The following DNAJC13 variants were observed in gnomAD, a reference collection of about 807,000 sequenced individuals.
The protein encoded by DNAJC13 is dnaJ homolog subfamily C member 13.
In DNAJC13, 75 loss-of-function variants were observed where a neutral mutation model predicts 290.5. The ratio of observed to expected loss-of-function variants is 0.26; its 90% CI spans 0.21 to 0.31. DNAJC13 has a LOEUF of 0.31. Ranked by LOEUF, DNAJC13 falls within the 10% of genes least tolerant of loss-of-function variation. The pLI is 1.00. For missense variants in DNAJC13, 2,260 were observed against 2,674.5 expected (o/e 0.85, Z 3.42); for synonymous variants, 862 against 892.0 (o/e 0.97, Z 0.60).
At chr3:132,531,185 T>A in intron 55 of DNAJC13, 88 bp downstream of exon 55, 2 of 1,121,288 alleles carry the variant, frequency 1.8e-6, no homozygotes, top group South Asian at 2.6e-5. Flanking sequence ...AAAATTGTGT[T>A]CAGAGTGTTT....
Position 132,456,684 on chromosome 3 carries a change from G to A in DNAJC13, c.1201G>A (p.Glu401Lys). The stretch of plus-strand genomic sequence containing the variant: ...CTAGGGTCTCTTCTCAGAAAACAAA[G>A]AAAAACTGATCAATAATGCCATAAC... ...TQDGLFSENKEKLINNAITAL... is the reference protein window; with the variant it reads ...TQDGLFSENKKKLINNAITAL... Residue 401 changes from glutamate to lysine, a missense_variant, in exon 12 of 56, where the codon GAA becomes AAA. Physicochemically the swap from Glu to Lys is moderately conservative, Grantham distance 56. Transcript: ENST00000260818. 6.2e-7 allele frequency: 1 copy of A among 1,613,792 alleles called. No homozygotes were observed. Among genetic ancestry groups the A allele is most frequent in the East Asian group, 2.2e-5 (1 of 44,868 alleles).
At chr3:132,515,650 G>A (rs1324260410) in intron 46 of DNAJC13, among the ~76,000 whole-genome samples, 1 of 152,042 alleles carries the variant, frequency 6.6e-6, no homozygotes. Context: ...ATTTTTAAAA[G>A]TGTAACTTTA....
chr3:132,434,045 C>T (rs888378740), intron 1 of DNAJC13, among the ~76,000 whole-genome samples: 4 of 152,122 alleles, frequency 2.6e-5, no homozygotes, highest in Admixed American at 6.5e-5. Context: ...CCCGTCTCTA[C>T]TAAAAATACA....
chr3:132,521,975 G>A (rs936787848), intron 48 of DNAJC13, among the ~76,000 whole-genome samples: 7 of 152,156 alleles, frequency 4.6e-5, no homozygotes, highest in African/African-American at 1.2e-4. Flanking sequence ...TAGTTCATTG[G>A]CTGCTAGGAA....
chr3:132,515,231 T>C (rs1199608808), intron 46 of DNAJC13, among the ~76,000 whole-genome samples: 1 of 152,154 alleles, frequency 6.6e-6, no homozygotes, highest in East Asian at 1.9e-4. Context: ...AATATTGAGT[T>C]TGTAGGCAAT....
At chr3:132,489,058 G>C in intron 31 of DNAJC13, 37 bp downstream of exon 31, 1 of 1,577,858 alleles carries the variant, frequency 6.3e-7, no homozygotes, top group Non-Finnish European at 8.7e-7. Flanking sequence ...TTAACCCTGG[G>C]TAAGCTGTTT....
chr3:132,500,381 A>G (rs1202942541), intron 38 of DNAJC13, among the ~76,000 whole-genome samples: 1 of 152,244 alleles, frequency 6.6e-6, no homozygotes, highest in Non-Finnish European at 1.5e-5. Flanking sequence ...TATGTTAATA[A>G]ACTATACAAA....
At position 132,503,227 on chromosome 3, in the gene DNAJC13, G is replaced by A; in HGVS notation, c.4730G>A (p.Ser1577Asn). Residue 1577 changes from serine (S) to asparagine (N), a missense_variant, in exon 41 of 56, where the codon AGC (serine) becomes AAC (asparagine). Coordinates refer to ENST00000260818, the MANE Select transcript of DNAJC13 (RefSeq NM_015268.4). ...TTTTTATAACAGGAGGTAGCAAACA[G>A]CCTTGCCAAACTGAGTGTCCATGCT... The part of the protein sequence containing the change: ...EETNQQEVAN[S>N]LAKLSVHALS... 6.2e-7 allele frequency: 1 copy of A among 1,613,812 alleles called. No homozygotes were observed. The highest frequency in any genetic ancestry group is 8.5e-7 in the Non-Finnish European group (1 of 1,179,842).
At chr3:132,486,433 A>G (rs866988968) in intron 29 of DNAJC13, among the ~76,000 whole-genome samples, 4 of 152,142 alleles carry the variant, frequency 2.6e-5, no homozygotes, top group African/African-American at 9.7e-5. Flanking sequence ...CTAGGAAGGG[A>G]TGATTAAAAA....
At chr3:132,503,465 G>C in intron 41 of DNAJC13, 84 bp downstream of exon 41, 1 of 1,466,206 alleles carries the variant, frequency 6.8e-7, no homozygotes, top group Non-Finnish European at 9.3e-7. Flanking sequence ...TATTGATCTA[G>C]GGAACCTAAA....
At chr3:132,485,449 A>G (rs1354394294) in intron 29 of DNAJC13, among the ~76,000 whole-genome samples, 1 of 152,078 alleles carries the variant, frequency 6.6e-6, no homozygotes, top group Non-Finnish European at 1.5e-5. Context: ...TATTTCACTT[A>G]CTCTTGAGTT....
chr3:132,493,501 A>G (rs762478642), intron 33 of DNAJC13, among the ~76,000 whole-genome samples: 10 of 152,080 alleles, frequency 6.6e-5, no homozygotes, highest in Non-Finnish European at 1.0e-4. Context: ...ACATGCAGCT[A>G]GCTCTTAGAA....
chr3:132,483,175 A>T (rs1357158434), intron 27 of DNAJC13, among the ~76,000 whole-genome samples, 200 bp from the exon 28 acceptor site: 1 of 151,994 alleles, frequency 6.6e-6, no homozygotes, highest in Non-Finnish European at 1.5e-5. Flanking sequence ...CAGGCTGGCC[A>T]GGTGGTGGGT....
In DNAJC13 at chr3:132,526,136, C is replaced by CT; in HGVS notation, c.6241-3dup. The CT allele has an allele frequency of 6.2e-7, 1 of 1,613,742 alleles. No homozygotes were observed. The highest frequency in any genetic ancestry group is 1.1e-5 in the South Asian group (1 of 91,034). ...TACAAGTAACCTTCTCTTTTGGGCA[C>CT]TTAGCTGTGTGTTCGAGCCATGGCA... On this transcript the variant is annotated splice_region_variant and splice_polypyrimidine_tract_variant and intron_variant, in intron 52 of 55. Coordinates refer to ENST00000260818, the MANE Select transcript of DNAJC13 (RefSeq NM_015268.4).
At chr3:132,533,209 C>A (rs1031267829) in intron 55 of DNAJC13, among the ~76,000 whole-genome samples, 3 of 151,606 alleles carry the variant, frequency 2.0e-5, no homozygotes, top group African/African-American at 7.3e-5. Flanking sequence ...GCATGTACCA[C>A]CATGCCCAGC....
intron 55 of DNAJC13, among the ~76,000 whole-genome samples, chr3:132,534,135 G>C (rs1460438341): frequency 2.6e-5 from 4 of 152,238 alleles, no homozygotes; most frequent in Non-Finnish European, 4.4e-5. Flanking sequence ...TGGCCAAATG[G>C]GGAGATGGTA....
chr3:132,473,212 A>G lies in DNAJC13; in HGVS notation c.2276A>G (p.Asp759Gly), dbSNP rs765495661. ...AGAATAAAAATAGAAGCAAATTGGG[A>G]TCTCTTCTATTATAGGTAAACTTTA... is the stretch of plus-strand genomic sequence containing the variant. ...RQRIKIEANW[D>G]LFYYRFGQDH... Residue 759 changes from aspartate to glycine, a missense_variant, in exon 21 of 56, where the codon GAT (aspartate) becomes GGT (glycine). By Grantham distance (94) the Asp-to-Gly change is moderately conservative. Around this residue, in one of 3 missense-constraint regions of DNAJC13, gnomAD observed 762 missense variants for 964.1 expected, o/e 0.79. Transcript: ENST00000260818. The G allele has an allele frequency of 9.3e-6, 15 of 1,605,650 alleles. No homozygotes were observed. The South Asian group carries it at 1.7e-4, about 18-fold the overall frequency.
At chr3:132,505,259 G>GT (rs746151584) in intron 41 of DNAJC13, 43 bp from the exon 42 acceptor site, 16 of 1,293,602 alleles carry the variant, frequency 1.2e-5, no homozygotes, top group Middle Eastern at 4.0e-4. Context: ...ATGTCAATAA[G>GT]TTTTTTCACT....
intron 9 of DNAJC13, among the ~76,000 whole-genome samples, chr3:132,455,420 AAC>A (rs1933566079): frequency 1.3e-5 from 2 of 152,226 alleles, no homozygotes; most frequent in Non-Finnish European, 2.9e-5. Context: ...CAGTTTGAAA[AAC>A]AGTTTGATAA....
Sources: allele counts gnomAD v4.1 joint callset (sites outside exome capture counted in the v4.1 genomes callset), GRCh38; gene constraint gnomAD v4.1.1; regional missense constraint gnomAD v4.1.1; transcripts MANE v1.5; gene names NCBI Gene and HGNC (gene_info 2026-07-23, HGNC 2026-07-21).